Variants in EYS observed in about 807,000 individuals in gnomAD.
The protein encoded by EYS is EGF-like photoreceptor maintenance factor.
A neutral mutation model predicts 282.1 loss-of-function variants in EYS; 250 were observed. The ratio of observed to expected loss-of-function variants is 0.89; its 90% CI spans 0.80 to 0.98. The LOEUF (loss-of-function observed/expected upper bound fraction) is 0.98. Among genes scored for constraint, EYS ranks in the 50% least tolerant of loss-of-function variants. The pLI is 0.00. For synonymous variants in EYS, 1,355 were observed against 1,282.9 expected, an observed-to-expected ratio of 1.06 and a Z score of -1.20; for missense variants, 4,016 against 3,709.0, an observed-to-expected ratio of 1.08 and a Z score of -2.15.
chr6:65,215,686 G>A (rs533841112), intron 12 of EYS, among the ~76,000 whole-genome samples: 2 of 152,284 alleles, frequency 1.3e-5, no homozygotes, highest in African/African-American at 4.8e-5. Context: ...GAGAAATCTT[G>A]TGTAAAAGGA....
intron 12 of EYS, among the ~76,000 whole-genome samples, chr6:65,181,394 G>A (rs1765379506): frequency 6.6e-6 from 1 of 152,068 alleles, no homozygotes; most frequent in African/African-American, 2.4e-5. Context: ...AAAAATGGGT[G>A]AAGGATATGA....
chr6:65,346,875 T>A (rs763007834), intron 9 of EYS, among the ~76,000 whole-genome samples: 1 of 151,846 alleles, frequency 6.6e-6, no homozygotes, highest in Non-Finnish European at 1.5e-5. Context: ...TTGTCTACTA[T>A]ACACATGATT....
At chr6:63,992,380 T>G (rs986335403) in intron 34 of EYS, among the ~76,000 whole-genome samples, 1 of 151,890 alleles carries the variant, frequency 6.6e-6, no homozygotes, top group South Asian at 2.1e-4. Flanking sequence ...CTGGGTATAT[T>G]GCATGCTAAC....
At chr6:64,611,379 A>T (rs1191882321) in intron 24 of EYS, among the ~76,000 whole-genome samples, 1 of 152,152 alleles carries the variant, frequency 6.6e-6, no homozygotes, top group Non-Finnish European at 1.5e-5. Flanking sequence ...TTTCCTAACG[A>T]CTACTTTACT....
chr6:64,406,959 G>A (rs761517121), intron 28 of EYS, among the ~76,000 whole-genome samples: 10 of 152,134 alleles, frequency 6.6e-5, no homozygotes, highest in Admixed American at 6.5e-5. Context: ...GTATATACCC[G>A]AAGGATAATA....
At chr6:65,510,853 C>A (rs555575852) in intron 2 of EYS, among the ~76,000 whole-genome samples, 1 of 152,264 alleles carries the variant, frequency 6.6e-6, no homozygotes, top group Non-Finnish European at 1.5e-5. Flanking sequence ...TTATTTCATT[C>A]AATGGTTTCT....
intron 1 of EYS, among the ~76,000 whole-genome samples, chr6:65,684,576 T>C (rs868326253): frequency 1.3e-5 from 2 of 152,008 alleles, no homozygotes; most frequent in South Asian, 2.1e-4. Flanking sequence ...AATTTGGTAA[T>C]ATACATGAAC....
At chr6:64,500,782 C>T (rs1192356249) in intron 26 of EYS, among the ~76,000 whole-genome samples, 2 of 151,910 alleles carry the variant, frequency 1.3e-5, no homozygotes, top group Admixed American at 6.6e-5. Context: ...TCAGAGCATC[C>T]ATCAGGAAAA....
chr6:65,362,806 T>C (rs1012845362), intron 8 of EYS, among the ~76,000 whole-genome samples: 3 of 152,056 alleles, frequency 2.0e-5, no homozygotes, highest in Non-Finnish European at 2.9e-5. Context: ...CTGATTCTGA[T>C]GTATTTATTT....
At chr6:65,621,697 G>A (rs774265861) in intron 2 of EYS, among the ~76,000 whole-genome samples, 1 of 151,962 alleles carries the variant, frequency 6.6e-6, no homozygotes, top group Non-Finnish European at 1.5e-5. Context: ...GGTATTGGTT[G>A]TTCCTTTCCA....
intron 33 of EYS, among the ~76,000 whole-genome samples, chr6:64,030,309 T>A (rs1053272313): frequency 2.0e-5 from 3 of 152,200 alleles, no homozygotes; most frequent in African/African-American, 7.2e-5. Flanking sequence ...CCTACTCCTT[T>A]AAAAGCCAGG....
chr6:64,726,053 T>C (rs7757694), intron 22 of EYS, among the ~76,000 whole-genome samples: 38,161 of 152,054 alleles, frequency 0.25, 6,047 homozygotes, highest in Admixed American at 0.37. Context: ...CCAAGTATGT[T>C]GACTTGACAA....
At chr6:64,686,787 A>ATATATATATATGTGTG in intron 22 of EYS, among the ~76,000 whole-genome samples, 1 of 12,980 alleles carries the variant, frequency 7.7e-5, no homozygotes, top group African/African-American at 1.7e-4. Flanking sequence ...ATATATATAT[A>ATATATATATATGTGTG]TGTGTGTATA....
intron 31 of EYS, among the ~76,000 whole-genome samples, chr6:64,107,392 G>C (rs1773065964): frequency 6.7e-6 from 1 of 150,148 alleles, no homozygotes; most frequent in Non-Finnish European, 1.5e-5. Flanking sequence ...GGAGCAAGGA[G>C]AGCCAGTCCA....
chr6:64,233,118 G>A (rs1258749498), intron 30 of EYS, among the ~76,000 whole-genome samples: 2 of 152,144 alleles, frequency 1.3e-5, no homozygotes, highest in East Asian at 1.9e-4. Flanking sequence ...TTCTCCTGCT[G>A]TAGCTGCTCA....
intron 30 of EYS, among the ~76,000 whole-genome samples, chr6:64,277,898 T>C (rs1368821741): frequency 1.3e-5 from 2 of 152,110 alleles, no homozygotes; most frequent in African/African-American, 2.4e-5. Context: ...TAAAACTAAA[T>C]ACTAAATGAT....
At chr6:65,423,503 C>A (rs1767544522) in intron 5 of EYS, among the ~76,000 whole-genome samples, 1 of 151,862 alleles carries the variant, frequency 6.6e-6, no homozygotes, top group Non-Finnish European at 1.5e-5. Flanking sequence ...GACCTAGCTT[C>A]CAAAACTTCT....
intron 36 of EYS, chr6:63,821,757 T>A (rs988453908): frequency 6.6e-6 from 1 of 152,268 alleles, no homozygotes; most frequent in African/African-American, 2.4e-5. Context: ...CTGAAGATGC[T>A]ATGAGATGCC....
intron 41 of EYS, among the ~76,000 whole-genome samples, chr6:63,727,725 A>ATATATATATATATATAT (rs1172717557): frequency 1.6e-5 from 1 of 62,700 alleles, no homozygotes; most frequent in African/African-American, 1.2e-4. Flanking sequence ...AAAAAAAAAA[A>ATATATATATATATATAT]AAAAAAAAAA....
Sources: gnomAD v4.1 joint callset for allele counts (sites outside exome capture counted in the v4.1 genomes callset) on GRCh38, gnomAD v4.1.1 for gene constraint, MANE v1.5 for transcripts, NCBI Gene and HGNC (gene_info 2026-07-23, HGNC 2026-07-21) for gene names.